DZANK1: variants seen among roughly 807,000 people sequenced by gnomAD.
DZANK1 encodes double zinc ribbon and ankyrin repeat domains 1.
A neutral mutation model predicts 94.5 loss-of-function variants in DZANK1; 91 were observed. The observed-to-expected ratio is 0.96, with a 90% CI of 0.81 to 1.15. DZANK1 has a LOEUF of 1.15. Ranked by LOEUF, DZANK1 falls within the 50% of genes most tolerant of loss-of-function variation. The probability of loss-of-function intolerance (pLI) is 0.00; values close to 1 mark genes in which losing one functional copy is unlikely to be tolerated. For synonymous variants in DZANK1, 312 were observed against 325.3 expected (o/e 0.96, Z 0.44); for missense variants, 903 against 916.4 (o/e 0.99, Z 0.19).
intron 13 of DZANK1, among the ~76,000 whole-genome samples, chr20:18,406,915 C>T (rs1331738675): frequency 6.6e-6 from 1 of 152,190 alleles, no homozygotes; most frequent in Non-Finnish European, 1.5e-5. Context: ...CTGGCAGAAT[C>T]CCCTGTGGAC....
chr20:18,426,054 T>C (rs1337073650), intron 10 of DZANK1, among the ~76,000 whole-genome samples: 1 of 152,170 alleles, frequency 6.6e-6, no homozygotes, highest in Non-Finnish European at 1.5e-5. Context: ...TTGATACCGG[T>C]AGACCAGGGG....
intron 9 of DZANK1, among the ~76,000 whole-genome samples, chr20:18,429,872 T>C (rs2058212326): frequency 6.6e-6 from 1 of 152,178 alleles, no homozygotes; most frequent in African/African-American, 2.4e-5. Flanking sequence ...TCCACTATAC[T>C]CATAAATTCA....
chr20:18,418,380 A>G (rs984182230), intron 10 of DZANK1, among the ~76,000 whole-genome samples: 1 of 152,206 alleles, frequency 6.6e-6, no homozygotes, highest in African/African-American at 2.4e-5. Flanking sequence ...CTGTGTATTC[A>G]GATCTTTTAC....
In DZANK1 at chr20:18,398,629, A is replaced by G. The variant is rs769542582; in HGVS notation, c.1433-3T>C. On this transcript the variant is annotated splice_polypyrimidine_tract_variant and splice_region_variant and intron_variant, in intron 13 of 20. Transcript: ENST00000262547. Reference sequence around the variant, plus strand: ...ATCCAGCTGTCTTCTCCAGTACCCTAAGAAAGAAGAGAAACCCCGCCATCT... The same window carrying G: ...ATCCAGCTGTCTTCTCCAGTACCCTGAGAAAGAAGAGAAACCCCGCCATCT... 1.2e-6 allele frequency: 2 copies of G among 1,613,654 alleles called. No individual in the cohort carries two copies. Among genetic ancestry groups the G allele is most frequent in the Non-Finnish European group, 1.7e-6 (2 of 1,179,588 alleles).
At chr20:18,412,779 T>C in exon 13 of DZANK1, 2 of 1,613,956 alleles carry the variant, frequency 1.2e-6, no homozygotes, top group Non-Finnish European at 8.5e-7. Context: ...CAACAGTCTG[T>C]GTTCCTATGT....
At chr20:18,400,263 G>C (rs2056598559) in intron 13 of DZANK1, among the ~76,000 whole-genome samples, 1 of 152,204 alleles carries the variant, frequency 6.6e-6, no homozygotes, top group Non-Finnish European at 1.5e-5. Context: ...ACAAGGAAGG[G>C]AAGGAAGAAC....
intron 9 of DZANK1, among the ~76,000 whole-genome samples, chr20:18,432,070 T>C (rs2058308307): frequency 6.6e-6 from 1 of 152,184 alleles, no homozygotes; most frequent in African/African-American, 2.4e-5. Context: ...TTATTCTCAA[T>C]ATAGGATTTA....
intron 9 of DZANK1, among the ~76,000 whole-genome samples, chr20:18,429,397 C>T (rs997146847): frequency 3.3e-5 from 5 of 152,178 alleles, no homozygotes; most frequent in Non-Finnish European, 7.3e-5. Flanking sequence ...TTACAAAACC[C>T]TGTTTTTTTA....
rs138692766 is a variant in DZANK1, at chr20:18,428,173, G to A, written c.862-1014C>T. On this transcript the variant is annotated intron_variant, in intron 9 of 20. Coordinates refer to ENST00000262547, the Ensembl canonical transcript of DZANK1. ...CTCAAAAAAAAAAAAAAGAAAGAGA[G>A]TGGTAAGTACAACTTAATTTTTTTC... 2.4e-3 allele frequency among the ~76,000 whole-genome samples: 359 copies of A among 150,682 alleles called. 5 individuals carry two copies. The highest frequency in any genetic ancestry group is 0.02 in the Admixed American group (301 of 15,192).
At chr20:18,437,188 C>A (rs1376739152) in intron 8 of DZANK1, among the ~76,000 whole-genome samples, 1 of 152,136 alleles carries the variant, frequency 6.6e-6, no homozygotes, top group African/African-American at 2.4e-5. Flanking sequence ...TTGTATAACA[C>A]CGCATTTTTC....
At chr20:18,443,230 G>A (rs1415085503) in intron 8 of DZANK1, 117 bp downstream of exon 8, 6 of 758,320 alleles carry the variant, frequency 7.9e-6, no homozygotes, top group African/African-American at 3.6e-5. Context: ...CAATCAGCCA[G>A]TAATTCTTCA....
At chr20:18,389,901 A>G in intron 18 of DZANK1, 73 bp from the exon 19 acceptor site, 1 of 1,587,938 alleles carries the variant, frequency 6.3e-7, no homozygotes, top group Non-Finnish European at 8.6e-7. Flanking sequence ...CATCCTATGA[A>G]GTATAACAGA....
chr20:18,464,970 C>T lies in DZANK1; in HGVS notation c.109+280G>A, dbSNP rs114654589. 9.1e-3 allele frequency among the ~76,000 whole-genome samples: 1,376 copies of T among 151,356 alleles called. 24 individuals are homozygous for T. The highest frequency in any genetic ancestry group is 0.032 in the African/African-American group (1,310 of 41,214). ...GATTACTGGTGTGAACCACCGCACC[C>T]GGCCAGCACCGGGACATCTTACCTT... On this transcript the variant is annotated intron_variant, in intron 2 of 20. Coordinates refer to ENST00000262547, the Ensembl canonical transcript of DZANK1.
chr20:18,430,227 C>CT (rs1263119060), intron 9 of DZANK1, among the ~76,000 whole-genome samples: 1 of 152,088 alleles, frequency 6.6e-6, no homozygotes, highest in Non-Finnish European at 1.5e-5. Flanking sequence ...TAAAGTTCTG[C>CT]TTGAGGTGGA....
intron 2 of DZANK1, among the ~76,000 whole-genome samples, chr20:18,462,727 G>A (rs1405464804): frequency 2.0e-5 from 3 of 152,042 alleles, no homozygotes; most frequent in African/African-American, 7.2e-5. Flanking sequence ...CGGGCGCGGT[G>A]GTTCACATCT....
At chr20:18,384,038 AAAG>A (rs2048332083) in exon 21 of DZANK1, 2 of 165,898 alleles carry the variant, frequency 1.2e-5, no homozygotes, top group South Asian at 1.6e-4. Flanking sequence ...AGACATGATT[AAAG>A]AATAGCCAGA....
chr20:18,438,439 T>G (rs1372702099), intron 8 of DZANK1, among the ~76,000 whole-genome samples: 1 of 152,106 alleles, frequency 6.6e-6, no homozygotes, highest in Admixed American at 6.6e-5. Context: ...TGCTGTCTAC[T>G]AGAAACACAC....
At chr20:18,410,786 C>T (rs2057214165) in intron 13 of DZANK1, among the ~76,000 whole-genome samples, 1 of 152,094 alleles carries the variant, frequency 6.6e-6, no homozygotes, top group African/African-American at 2.4e-5. Context: ...CCCATCTCTA[C>T]AAAAACGTTT....
chr20:18,419,163 G>T (rs113121930), intron 10 of DZANK1, among the ~76,000 whole-genome samples: 3,727 of 151,836 alleles, frequency 0.025, 69 homozygotes, highest in African/African-American at 0.047. Flanking sequence ...TCGGGAGGGT[G>T]AGGCAGGAGA....
Sources: allele counts gnomAD v4.1 joint callset (sites outside exome capture counted in the v4.1 genomes callset), GRCh38; gene constraint gnomAD v4.1.1; transcripts MANE v1.5; gene names NCBI Gene and HGNC (gene_info 2026-07-23, HGNC 2026-07-21).